Variants in DOK6 observed in about 807,000 individuals in gnomAD.
DOK6 encodes the protein docking protein 6, also known as downstream of tyrosine kinase 6.
A neutral mutation model predicts 44.0 loss-of-function variants in DOK6; 22 were observed. The observed-to-expected ratio is 0.50, with a 90% confidence interval of 0.36 to 0.71. DOK6 has a LOEUF of 0.71. DOK6 is among the 30% of genes least tolerant of loss of function. The pLI, the probability that DOK6 is intolerant of heterozygous loss-of-function variation, is 0.00. For missense variants in DOK6, 340 were observed against 416.4 expected, an observed-to-expected ratio of 0.82 and a Z score of 1.60; for synonymous variants, 166 against 145.5, an observed-to-expected ratio of 1.14 and a Z score of -1.01.
chr18:69,596,052 G>A (rs547530793), intron 2 of DOK6, among the ~76,000 whole-genome samples: 26 of 152,238 alleles, frequency 1.7e-4, no homozygotes, highest in African/African-American at 6.0e-4. Flanking sequence ...GTGATGAAAA[G>A]CAATTGAGAG....
intron 1 of DOK6, among the ~76,000 whole-genome samples, chr18:69,481,684 C>T (rs1480219880): frequency 1.3e-5 from 2 of 152,060 alleles, no homozygotes; most frequent in East Asian, 1.9e-4. Context: ...AATAAACATA[C>T]GTGTGCATGT....
chr18:69,823,619 GTGTGTT>G (rs1398810465), intron 7 of DOK6, among the ~76,000 whole-genome samples: 4 of 123,780 alleles, frequency 3.2e-5, no homozygotes, highest in African/African-American at 9.9e-5. Flanking sequence ...GGAGAAGTGT[GTGTGTT>G]TGTGTGTGTG....
At chr18:69,446,555 C>T (rs1979299129) in intron 1 of DOK6, among the ~76,000 whole-genome samples, 1 of 152,032 alleles carries the variant, frequency 6.6e-6, no homozygotes, top group South Asian at 2.1e-4. Flanking sequence ...GATTTATAAT[C>T]CTTTGGGTAT....
At chr18:69,610,326 G>A (rs921530791) in intron 3 of DOK6, among the ~76,000 whole-genome samples, 18 of 152,010 alleles carry the variant, frequency 1.2e-4, no homozygotes, top group Non-Finnish European at 1.9e-4. Context: ...ATAAACATGC[G>A]TACCCTTGAT....
chr18:69,605,970 G>C (rs1281606540), intron 3 of DOK6, among the ~76,000 whole-genome samples: 3 of 152,044 alleles, frequency 2.0e-5, no homozygotes, highest in Non-Finnish European at 4.4e-5. Flanking sequence ...CGACATGATT[G>C]TCTATATTTA....
rs76620964 is a variant in DOK6 at position 69,480,877 on chromosome 18, A to G, written c.66+79567A>G. Among the ~76,000 whole-genome samples the G allele has an allele frequency of 8.0e-3, 1,218 of 152,260 alleles. 9 individuals are homozygous for G. The highest frequency in any genetic ancestry group is 0.028 in the Admixed American group (422 of 15,286). ...GATGGGTGGATGTCCCAAGTCAGAG[A>G]ACTGTACATGAGAAAGGCTCTGGAG... On this transcript the variant is annotated intron_variant, in intron 1 of 7. Transcript: ENST00000382713.
intron 3 of DOK6, among the ~76,000 whole-genome samples, chr18:69,656,907 A>G (rs908063265): frequency 2.6e-5 from 4 of 152,210 alleles, no homozygotes; most frequent in Non-Finnish European, 4.4e-5. Flanking sequence ...CAGAAATTCC[A>G]GGGTTGGAGT....
chr18:69,833,596 G>GA (rs1172899051), intron 7 of DOK6, among the ~76,000 whole-genome samples: 1 of 151,726 alleles, frequency 6.6e-6, no homozygotes, highest in Non-Finnish European at 1.5e-5. Context: ...CACAGCAAAG[G>GA]AAAAAAAGCT....
chr18:69,679,030 G>A (rs1985987528), intron 4 of DOK6, among the ~76,000 whole-genome samples: 1 of 152,104 alleles, frequency 6.6e-6, no homozygotes, highest in East Asian at 1.9e-4. Flanking sequence ...ACAAAAATTA[G>A]CAGGCTGTGG....
At chr18:69,695,578 T>A (rs1487007699) in intron 4 of DOK6, among the ~76,000 whole-genome samples, 85 of 152,330 alleles carry the variant, frequency 5.6e-4, no homozygotes, top group Non-Finnish European at 2.2e-4. Context: ...ACTAAGAGAA[T>A]ACACTGATAC....
intron 1 of DOK6, among the ~76,000 whole-genome samples, chr18:69,483,389 G>T (rs1980484798): frequency 6.6e-6 from 1 of 151,988 alleles, no homozygotes; most frequent in South Asian, 2.1e-4. Context: ...GCCATAAAAG[G>T]AGTAATTGCT....
chr18:69,730,308 G>A lies in DOK6; in HGVS notation c.600-8657G>A, dbSNP rs768277917. On this transcript the variant is annotated intron_variant, in intron 5 of 7. Coordinates refer to ENST00000382713, the MANE Select transcript of DOK6 (RefSeq NM_152721.6). ...ATCTACTTGTATTTTCAGGGGATAA[G>A]TCTAGTTGGGAAAACATCATGTAAA... is the stretch of plus-strand genomic sequence containing the variant. Among the ~76,000 whole-genome samples, 140 of 152,326 alleles carry A rather than the reference G, an allele frequency of 9.2e-4. No homozygotes were observed. In the Middle Eastern group the frequency reaches 0.017, roughly 19 times the overall value.
chr18:69,753,106 A>G (rs1467892362), intron 6 of DOK6, among the ~76,000 whole-genome samples: 2 of 152,204 alleles, frequency 1.3e-5, no homozygotes, highest in Non-Finnish European at 2.9e-5. Flanking sequence ...TTTCAATGAA[A>G]TGTGTTCAAA....
intron 1 of DOK6, among the ~76,000 whole-genome samples, chr18:69,420,175 T>G (rs1978447956): frequency 6.6e-6 from 1 of 152,066 alleles, no homozygotes; most frequent in Non-Finnish European, 1.5e-5. Context: ...GGAAGAGAGT[T>G]TGTTTTAAAG....
At chr18:69,512,749 ATTG>A (rs1176792675) in intron 1 of DOK6, among the ~76,000 whole-genome samples, 1 of 152,164 alleles carries the variant, frequency 6.6e-6, no homozygotes, top group Admixed American at 6.5e-5. Flanking sequence ...CATGGATATC[ATTG>A]TTGATAAATC....
At chr18:69,623,527 T>C (rs1440529178) in intron 3 of DOK6, among the ~76,000 whole-genome samples, 3 of 152,182 alleles carry the variant, frequency 2.0e-5, no homozygotes, top group African/African-American at 7.2e-5. Context: ...ATAATGTGCA[T>C]AATCACCTTT....
At chr18:69,633,129 A>G (rs531163011) in intron 3 of DOK6, among the ~76,000 whole-genome samples, 37 of 152,302 alleles carry the variant, frequency 2.4e-4, no homozygotes, top group African/African-American at 8.7e-4. Context: ...GTTTTAATTA[A>G]TGGTTTTCTT....
At chr18:69,621,247 C>G (rs537356669) in intron 3 of DOK6, among the ~76,000 whole-genome samples, 1 of 152,134 alleles carries the variant, frequency 6.6e-6, no homozygotes, top group Non-Finnish European at 1.5e-5. Flanking sequence ...TGACTATTTC[C>G]GTAAGGCTTT....
At chr18:69,738,903 G>C in intron 5 of DOK6, 62 bp from the exon 6 acceptor site, 1 of 1,584,324 alleles carries the variant, frequency 6.3e-7, no homozygotes, top group Non-Finnish European at 8.6e-7. Flanking sequence ...TGTCTACGTG[G>C]AAAACTGTTA....
Sources: gnomAD v4.1 joint callset for allele counts (sites outside exome capture counted in the v4.1 genomes callset) on GRCh38, gnomAD v4.1.1 for gene constraint, MANE v1.5 for transcripts, NCBI Gene and HGNC (gene_info 2026-07-23, HGNC 2026-07-21) for gene names.